RAPSN: variants seen among roughly 807,000 people sequenced by gnomAD.
RAPSN encodes 43 kDa receptor-associated protein of the synapse.
In RAPSN, 33 loss-of-function variants were observed where a neutral mutation model predicts 45.7. That is an observed-to-expected ratio of 0.72 (90% CI 0.55 to 0.97). RAPSN has a LOEUF of 0.97. Among genes scored for constraint, RAPSN ranks in the 50% least tolerant of loss-of-function variants. The pLI is 0.00. For missense variants in RAPSN, 519 were observed against 559.4 expected, an observed-to-expected ratio of 0.93 and a Z score of 0.73; for synonymous variants, 244 against 233.6, an observed-to-expected ratio of 1.04 and a Z score of -0.40.
At chr11:47,440,758 TTTTTC>T (rs893091693) in intron 6 of RAPSN, among the ~76,000 whole-genome samples, 30 of 152,220 alleles carry the variant, frequency 2.0e-4, no homozygotes, top group South Asian at 8.3e-4. Flanking sequence ...CAAAAATGTT[TTTTTC>T]TTTTCTTTTC....
rs1318935436 is a variant in RAPSN at position 47,438,789 on chromosome 11, A to G, written c.1109T>C (p.Ile370Thr). The G allele has an allele frequency of 6.4e-7, 1 of 1,572,372 alleles. No homozygotes were observed. Among genetic ancestry groups the G allele is most frequent in the Non-Finnish European group, 8.6e-7 (1 of 1,156,380 alleles). ...ELYCGLCGES[I>T]GEKNSRLQAL... ...CTGCAGCCGGCTGTTCTTCTCGCCT[A>G]TGGACTCGCCGCACAGGCCGCAGTA... Residue 370 changes from isoleucine to threonine, a missense_variant, in exon 7 of 8, where the codon ATA (isoleucine) becomes ACA (threonine). By Grantham distance (89) the Ile-to-Thr change is moderately conservative. Coordinates refer to ENST00000298854, the MANE Select transcript of RAPSN (RefSeq NM_005055.5).
rs1185844814 is a variant in RAPSN at position 47,438,831 on chromosome 11, A to C, written c.1067T>G (p.Val356Gly). 6.4e-7 allele frequency: 1 copy of C among 1,573,736 alleles called. No homozygotes were observed. Among genetic ancestry groups the C allele is most frequent in the Admixed American group, 1.9e-5 (1 of 54,040 alleles). Residue 356 changes from valine to glycine, a missense_variant, in exon 7 of 8, where the codon GTG becomes GGG. Val to Gly is a moderately radical substitution (Grantham distance 109). Transcript: ENST00000298854. Reference sequence around the variant, plus strand: ...GCCGCAGTAGAGCTCCGTCTCCTCCACGCACTCGTGGAACCTCACAACGTG... The same window carrying C: ...GCCGCAGTAGAGCTCCGTCTCCTCCCCGCACTCGTGGAACCTCACAACGTG... Reference protein sequence around the residue: ...RAHVVRFHECVEETELYCGLC... With the variant: ...RAHVVRFHECGEETELYCGLC...
intron 2 of RAPSN, 138 bp from the exon 3 acceptor site, chr11:47,442,952 G>A: frequency 7.1e-7 from 1 of 1,417,630 alleles, no homozygotes; most frequent in Non-Finnish European, 9.6e-7. Context: ...TGACATCCAG[G>A]ACAAGAGTGG....
At position 47,442,684 on chromosome 11, in the gene RAPSN, C is replaced by T. The variant is rs1377574572; in HGVS notation, c.662G>A (p.Arg221His). The T allele has an allele frequency of 1.2e-5, 20 of 1,614,208 alleles. No homozygotes were observed. In the Middle Eastern group the frequency reaches 8.3e-4, roughly 67 times the overall value. Reference protein sequence around the residue: ...HMAVAYRLLGRLGSAMECCEE... With the variant: ...HMAVAYRLLGHLGSAMECCEE... ...ACAACACTCCATGGCACTGCCCAGG[C>T]GGCCCAGCAGGCGATAGGCCACGGC... is the stretch of plus-strand genomic sequence containing the variant. The change falls in exon 3 of 8, where the codon CGC (arginine) becomes CAC (histidine). Residue 221 changes from arginine to histidine, a missense_variant. Coordinates refer to ENST00000298854, the MANE Select transcript of RAPSN (RefSeq NM_005055.5).
chr11:47,441,576 G>C, intron 5 of RAPSN, 35 bp downstream of exon 5: 1 of 1,600,744 alleles, frequency 6.2e-7, no homozygotes, highest in South Asian at 1.1e-5. Flanking sequence ...GGAGTGCTGG[G>C]AGGGCTGGAG....
intron 6 of RAPSN, among the ~76,000 whole-genome samples, chr11:47,439,941 T>C (rs757761498): frequency 1.3e-5 from 2 of 152,050 alleles, no homozygotes; most frequent in African/African-American, 2.4e-5. Flanking sequence ...TCAGGTGATC[T>C]GCCCACCTCG....
intron 7 of RAPSN, 59 bp downstream of exon 7, chr11:47,438,673 C>A: frequency 1.9e-6 from 3 of 1,540,184 alleles, no homozygotes; most frequent in Non-Finnish European, 2.6e-6. Flanking sequence ...GCCAGCTGGG[C>A]CCTAGAGTGC....
intron 3 of RAPSN, 134 bp from the exon 4 acceptor site, chr11:47,442,055 T>C (rs1193683400): frequency 4.2e-6 from 4 of 953,814 alleles, no homozygotes; most frequent in African/African-American, 1.6e-5. Context: ...ATCATGGTGC[T>C]GAGGGCTCAC....
chr11:47,447,379 C>T (rs1283694179), intron 2 of RAPSN, among the ~76,000 whole-genome samples: 3 of 152,194 alleles, frequency 2.0e-5, no homozygotes, highest in African/African-American at 7.2e-5. Context: ...CTGCTACACC[C>T]TGGGTCAACA....
In RAPSN at chr11:47,442,909, G is replaced by A. The variant is rs2076377262; in HGVS notation, c.532-95C>T. 7 of 1,588,624 alleles carry A rather than the reference G, an allele frequency of 4.4e-6. No homozygotes were observed. The Admixed American group carries it at 1.0e-4, about 23-fold the overall frequency. ...GCTAGGTTTCTCTAACAGCAGGTAG[G>A]GGCAGGGGGCCCGAGTGTCTGCTCA... On this transcript the variant is annotated intron_variant, in intron 2 of 7. Transcript: ENST00000298854.
At chr11:47,441,994 C>T in intron 3 of RAPSN, 73 bp from the exon 4 acceptor site, 1 of 1,436,754 alleles carries the variant, frequency 7.0e-7, no homozygotes, top group Non-Finnish European at 9.5e-7. Context: ...TCAACAGACC[C>T]CTCTGAAGGG....
chr11:47,449,102 G>C lies in RAPSN; in HGVS notation c.-138C>G. On this transcript the variant is annotated 5_prime_UTR_variant, in exon 1 of 8. Coordinates refer to ENST00000298854, the MANE Select transcript of RAPSN (RefSeq NM_005055.5). ...GCAGCGTCGGGTGGGAGCCGGAATG[G>C]GGCCTGGATGGAGAGCAGGCGCCAC... The C allele has an allele frequency of 9.7e-7, 1 of 1,030,266 alleles. No individual in the cohort carries two copies. The highest frequency in any genetic ancestry group is 1.5e-6 in the Non-Finnish European group (1 of 678,910). The allele number at this position is 1,030,266 out of a possible 1,614,324, so 63.8% of individuals were successfully genotyped here. A position where few individuals can be genotyped will look rare whatever the true frequency, so the allele number is the denominator to read the frequency against.
Position 47,441,874 on chromosome 11 carries a change from C to G in RAPSN, c.738G>C (p.Ala246=). 3 of 1,595,696 alleles carry G rather than the reference C, an allele frequency of 1.9e-6. No homozygotes were observed. ...TGTCAGCGAAGCAGAGCAGGCAGAG[C>G]GCCTGCAGTGGCCGGTCCCCGTGCT... is the stretch of plus-strand genomic sequence containing the variant. The part of the protein sequence containing the change: ...ALQHGDRPLQ[A]LCLLCFADIH... Residue 246 remains alanine (A), a synonymous_variant, in exon 4 of 8, where the codon GCG becomes GCC. Transcript: ENST00000298854.
At chr11:47,438,709 T>G in intron 7 of RAPSN, 23 bp downstream of exon 7, 1 of 1,553,466 alleles carries the variant, frequency 6.4e-7, no homozygotes, top group Non-Finnish European at 8.7e-7. Context: ...CCCACCCCTG[T>G]CCACCCCCCC....
chr11:47,441,660 G>A lies in RAPSN; in HGVS notation c.863C>T (p.Ala288Val), dbSNP rs760068830. Residue 288 changes from alanine to valine, a missense_variant, in exon 5 of 8, where the codon GCG (alanine) becomes GTG (valine). Physicochemically the swap from Ala to Val is moderately conservative, Grantham distance 64. Coordinates refer to ENST00000298854, the MANE Select transcript of RAPSN (RefSeq NM_005055.5). The part of the protein sequence containing the change: ...EIGNRLGQVQ[A>V]LLGVAKCWVA... ...CCAGCACTTGGCCACACCCAGCAGC[G>A]CCTGCACCTGCCCCAGGCGGTTTCC... 6.0e-5 allele frequency: 97 copies of A among 1,609,474 alleles called. No individual in the cohort carries two copies. Among genetic ancestry groups the A allele is most frequent in the Non-Finnish European group, 7.5e-5 (89 of 1,179,792 alleles).
intron 6 of RAPSN, 75 bp from the exon 7 acceptor site, chr11:47,439,006 C>T: frequency 6.8e-7 from 1 of 1,469,744 alleles, no homozygotes; most frequent in Non-Finnish European, 9.2e-7. Flanking sequence ...CGGTCTCAGC[C>T]ACTTCCCTGT....
At chr11:47,441,491 C>T in intron 5 of RAPSN, 120 bp downstream of exon 5, 2 of 1,520,046 alleles carry the variant, frequency 1.3e-6, no homozygotes, top group Non-Finnish European at 1.8e-6. Flanking sequence ...AATGTCCTGG[C>T]CTCGTAGGAT....
Position 47,438,796 on chromosome 11 carries a change from C to T in RAPSN, c.1102G>A (p.Glu368Lys), listed in dbSNP as rs756519962. 3.2e-6 allele frequency: 5 copies of T among 1,571,796 alleles called. No homozygotes were observed. Among genetic ancestry groups the T allele is most frequent in the African/African-American group, 1.3e-5 (1 of 74,290 alleles). Reference sequence around the variant, plus strand: ...CGGCTGTTCTTCTCGCCTATGGACTCGCCGCACAGGCCGCAGTAGAGCTCC... The same window carrying T: ...CGGCTGTTCTTCTCGCCTATGGACTTGCCGCACAGGCCGCAGTAGAGCTCC... ...ETELYCGLCG[E>K]SIGEKNSRLQ... The change falls in exon 7 of 8, where the codon GAG becomes AAG. Residue 368 changes from glutamate to lysine, a missense_variant. By Grantham distance (56) the Glu-to-Lys change is moderately conservative. Transcript: ENST00000298854.
At chr11:47,443,927 C>T (rs1484450849) in intron 2 of RAPSN, among the ~76,000 whole-genome samples, 3 of 29,146 alleles carry the variant, frequency 1.0e-4, no homozygotes, top group African/African-American at 3.3e-4. Flanking sequence ...CAGACTCTGT[C>T]TCACAAAAAA....
Sources: allele counts gnomAD v4.1 joint callset (sites outside exome capture counted in the v4.1 genomes callset), GRCh38; gene constraint gnomAD v4.1.1; transcripts MANE v1.5; gene names NCBI Gene and HGNC (gene_info 2026-07-23, HGNC 2026-07-21).